The following PRPSAP2 variants were observed in gnomAD, a reference collection of about 807,000 sequenced individuals.
The protein encoded by PRPSAP2 is phosphoribosyl pyrophosphate synthase-associated protein 2.
PRPSAP2 carries 24 observed loss-of-function variants against 40.6 expected under a neutral mutation model. That is an observed-to-expected ratio of 0.59 (90% CI 0.43 to 0.83). The LOEUF is 0.83. PRPSAP2 is among the 40% of genes least tolerant of loss of function. The pLI is 0.00. For missense variants in PRPSAP2, 292 were observed against 465.6 expected, an observed-to-expected ratio of 0.63 and a Z score of 3.43; for synonymous variants, 149 against 164.7, an observed-to-expected ratio of 0.90 and a Z score of 0.73.
intron 8 of PRPSAP2, chr17:18,908,183 G>A: frequency 1.6e-6 from 1 of 627,814 alleles, no homozygotes; most frequent in Non-Finnish European, 2.9e-6. Context: ...GCCAGATGCG[G>A]TGGGAAGAAG....
chr17:18,897,334 C>G (rs983065594), intron 8 of PRPSAP2, among the ~76,000 whole-genome samples: 1 of 152,072 alleles, frequency 6.6e-6, no homozygotes, highest in African/African-American at 2.4e-5. Flanking sequence ...TGGTTAACTT[C>G]CACAGTTATG....
chr17:18,866,003 A>C, intron 3 of PRPSAP2, 51 bp downstream of exon 3: 1 of 1,258,906 alleles, frequency 7.9e-7, no homozygotes, highest in Non-Finnish European at 1.0e-6. Flanking sequence ...TGATGCTTTA[A>C]ATTTGATAAT....
At chr17:18,882,536 A>G in intron 6 of PRPSAP2, 32 bp from the exon 7 acceptor site, 1 of 1,379,228 alleles carries the variant, frequency 7.3e-7, no homozygotes, top group South Asian at 1.2e-5. Flanking sequence ...AAACAAAACT[A>G]TTTATTGCTT....
At position 18,867,264 on chromosome 17, in the gene PRPSAP2, C is replaced by T. The variant is rs771270548; in HGVS notation, c.120-18C>T. On this transcript the variant is annotated intron_variant, in intron 3 of 11. Transcript: ENST00000268835. ...CTTCTATTACTTTTTCAGCTTTTTC[C>T]CCCTTTCTCTTCTCTAGGCGGCTAG... The T allele has an allele frequency of 1.9e-5, 31 of 1,612,694 alleles. No individual in the cohort carries two copies. Among genetic ancestry groups the T allele is most frequent in the Non-Finnish European group, 2.3e-5 (27 of 1,179,498 alleles).
intron 4 of PRPSAP2, among the ~76,000 whole-genome samples, chr17:18,870,208 G>A (rs900653802): frequency 6.6e-6 from 1 of 152,050 alleles, no homozygotes; most frequent in Non-Finnish European, 1.5e-5. Context: ...TTAACATTTT[G>A]CCATATGAAT....
At chr17:18,871,701 C>A (rs1040024771) in intron 4 of PRPSAP2, among the ~76,000 whole-genome samples, 1 of 142,774 alleles carries the variant, frequency 7.0e-6, no homozygotes, top group Non-Finnish European at 1.5e-5. Context: ...GCTCTTGTTG[C>A]CCAGGCTGGA....
intron 8 of PRPSAP2, among the ~76,000 whole-genome samples, chr17:18,909,219 C>T (rs1056419591): frequency 1.3e-5 from 2 of 150,176 alleles, no homozygotes; most frequent in African/African-American, 4.9e-5. Context: ...ATGGTATAAC[C>T]ACTTTGGAAA....
At chr17:18,909,673 G>A (rs1256548710) in intron 8 of PRPSAP2, among the ~76,000 whole-genome samples, 1 of 152,010 alleles carries the variant, frequency 6.6e-6, no homozygotes, top group African/African-American at 2.4e-5. Context: ...GGGAGGCCAC[G>A]GTGGGCAGAT....
chr17:18,904,001 A>G (rs147627330), intron 8 of PRPSAP2, among the ~76,000 whole-genome samples: 1 of 152,220 alleles, frequency 6.6e-6, no homozygotes, highest in Non-Finnish European at 1.5e-5. Context: ...AATAGCTGTA[A>G]TCAATGTAGA....
At chr17:18,873,021 T>C (rs2038004572) in intron 5 of PRPSAP2, among the ~76,000 whole-genome samples, 1 of 151,858 alleles carries the variant, frequency 6.6e-6, no homozygotes, top group African/African-American at 2.4e-5. Flanking sequence ...TTTGTATTTT[T>C]AGTAGAGACG....
At chr17:18,875,959 C>T (rs899630282) in intron 5 of PRPSAP2, among the ~76,000 whole-genome samples, 1 of 151,764 alleles carries the variant, frequency 6.6e-6, no homozygotes, top group African/African-American at 2.4e-5. Context: ...CATGGAGAAA[C>T]GCTCTCTCTG....
intron 9 of PRPSAP2, among the ~76,000 whole-genome samples, chr17:18,913,611 C>T (rs986614123): frequency 7.6e-6 from 1 of 130,920 alleles, no homozygotes; most frequent in South Asian, 2.4e-4. Flanking sequence ...TGCAGTTGTG[C>T]GATCATGGCT....
At chr17:18,924,494 C>T (rs1597769845) in intron 10 of PRPSAP2, among the ~76,000 whole-genome samples, 1 of 151,878 alleles carries the variant, frequency 6.6e-6, no homozygotes. Context: ...ACTGGCTGGG[C>T]GCGTTGGCTC....
intron 9 of PRPSAP2, among the ~76,000 whole-genome samples, chr17:18,913,907 G>A (rs920179462): frequency 3.3e-5 from 5 of 151,344 alleles, no homozygotes; most frequent in African/African-American, 7.3e-5. Context: ...TGGGCGCGGC[G>A]GCTCACACCT....
At position 18,858,149 on chromosome 17, in the gene PRPSAP2, A is replaced by G. The variant is rs2036725657; in HGVS notation, c.-241A>G. 6.6e-6 allele frequency: 1 copy of G among 151,276 alleles called. No individual in the cohort carries two copies. Among genetic ancestry groups the G allele is most frequent in the African/African-American group, 2.4e-5 (1 of 41,072 alleles). The allele number at this position is 151,276 out of a possible 1,614,324, so 9.4% of individuals were successfully genotyped here. A position where few individuals can be genotyped will look rare whatever the true frequency, so the allele number is the denominator to read the frequency against. ...CGGCCTCGCAGTCACCGCGGACGCC[A>G]ATCTTGTGCATGGAGTCGCCATTTT... On this transcript the variant is annotated 5_prime_UTR_variant, in exon 1 of 12. Transcript: ENST00000268835.
chr17:18,908,818 CT>C, intron 8 of PRPSAP2: 2 of 717,458 alleles, frequency 2.8e-6, no homozygotes, highest in Middle Eastern at 4.1e-4. Flanking sequence ...GCTAGAAGCT[CT>C]TTTGGTGGAG....
At chr17:18,920,431 G>A (rs2151967135) in intron 9 of PRPSAP2, among the ~76,000 whole-genome samples, 1 of 152,182 alleles carries the variant, frequency 6.6e-6, no homozygotes, top group African/African-American at 2.4e-5. Flanking sequence ...TAATTATAAT[G>A]TTTCTATGTT....
intron 8 of PRPSAP2, among the ~76,000 whole-genome samples, chr17:18,909,717 C>T (rs1356942090): frequency 1.3e-5 from 2 of 150,968 alleles, no homozygotes; most frequent in South Asian, 2.1e-4. Flanking sequence ...CCAGCCTGGC[C>T]AACATGACAA....
At chr17:18,905,315 C>A (rs556068367) in intron 8 of PRPSAP2, among the ~76,000 whole-genome samples, 4 of 151,824 alleles carry the variant, frequency 2.6e-5, no homozygotes, top group Admixed American at 6.6e-5. Context: ...TGTGAGCCAC[C>A]GCACCCGGCC....
Sources: gnomAD v4.1 joint callset for allele counts (sites outside exome capture counted in the v4.1 genomes callset) on GRCh38, gnomAD v4.1.1 for gene constraint, MANE v1.5 for transcripts, NCBI Gene and HGNC (gene_info 2026-07-23, HGNC 2026-07-21) for gene names.